CAMK4: variants seen among roughly 807,000 people sequenced by gnomAD.
CAMK4 encodes the protein calcium/calmodulin-dependent protein kinase type IV.
A neutral mutation model predicts 44.9 loss-of-function variants in CAMK4; 22 were observed. The observed-to-expected ratio is 0.49, with a 90% CI of 0.35 to 0.70. The LOEUF (loss-of-function observed/expected upper bound fraction) is 0.70, where lower values mean the gene tolerates loss of function less well. Ranked by LOEUF, CAMK4 falls within the 30% of genes least tolerant of loss-of-function variation. The pLI, the probability that CAMK4 is intolerant of heterozygous loss-of-function variation, is 0.01. For missense variants in CAMK4, 498 were observed against 586.8 expected (o/e 0.85, Z 1.56); for synonymous variants, 218 against 215.4 (o/e 1.01, Z -0.11).
intron 1 of CAMK4, among the ~76,000 whole-genome samples, chr5:111,338,841 A>G (rs893563955): frequency 2.6e-5 from 4 of 151,412 alleles, no homozygotes; most frequent in Admixed American, 2.0e-4. Flanking sequence ...TAATACCAGT[A>G]CTATGCTGTT....
At chr5:111,337,743 G>A (rs1749467982) in intron 1 of CAMK4, among the ~76,000 whole-genome samples, 1 of 151,106 alleles carries the variant, frequency 6.6e-6, no homozygotes, top group Non-Finnish European at 1.5e-5. Flanking sequence ...AAGGTTCTGA[G>A]GAACTGATAA....
chr5:111,441,244 C>A (rs1424296705), intron 5 of CAMK4, among the ~76,000 whole-genome samples: 4 of 152,146 alleles, frequency 2.6e-5, no homozygotes, highest in African/African-American at 9.7e-5. Context: ...CCTTTGGCAG[C>A]AAATATTGCA....
intron 1 of CAMK4, among the ~76,000 whole-genome samples, chr5:111,260,857 G>A (rs1011989993): frequency 4.8e-4 from 73 of 152,094 alleles, no homozygotes; most frequent in African/African-American, 1.7e-3. Flanking sequence ...TATGTGTCCT[G>A]GTCCCTAATT....
intron 1 of CAMK4, among the ~76,000 whole-genome samples, chr5:111,334,733 C>T (rs1749325391): frequency 6.6e-6 from 1 of 151,426 alleles, no homozygotes; most frequent in African/African-American, 2.4e-5. Context: ...TAAACCTTTT[C>T]CCTAATGAGC....
At chr5:111,356,392 T>A (rs1750355691) in intron 2 of CAMK4, among the ~76,000 whole-genome samples, 1 of 152,206 alleles carries the variant, frequency 6.6e-6, no homozygotes, top group Admixed American at 6.5e-5. Flanking sequence ...CATTGTAGAT[T>A]CTGGATATTA....
chr5:111,245,376 A>G (rs1386689839), intron 1 of CAMK4, among the ~76,000 whole-genome samples: 1 of 152,252 alleles, frequency 6.6e-6, no homozygotes, highest in African/African-American at 2.4e-5. Context: ...TGATAATAAT[A>G]GCAGAAATTT....
At position 111,446,918 on chromosome 5, in the gene CAMK4, ATGT is replaced by A. The variant is rs1754051902; in HGVS notation, c.550+147_550+149del. The A allele has an allele frequency of 4.4e-6, 3 of 678,468 alleles. No individual in the cohort carries two copies. The Admixed American group carries it at 7.3e-5, about 17-fold the overall frequency. 42.0% of individuals were successfully genotyped at this position (678,468 alleles called of 1,614,324 possible). On this transcript the variant is annotated intron_variant, in intron 6 of 10. Coordinates refer to ENST00000282356, the MANE Select transcript of CAMK4 (RefSeq NM_001744.6). ...AATTGACATCTGTAAAGGAAATAAT[ATGT>A]TGTTTTGGAAGTTTTTGCTCTTTCC...
chr5:111,351,632 G>A (rs147730445), intron 2 of CAMK4, among the ~76,000 whole-genome samples: 78 of 151,518 alleles, frequency 5.1e-4, no homozygotes, highest in Middle Eastern at 3.4e-3. Context: ...GACTGGTCTC[G>A]AACTCCTGAC....
chr5:111,272,313 A>G (rs1750553547), intron 1 of CAMK4, among the ~76,000 whole-genome samples: 1 of 151,792 alleles, frequency 6.6e-6, no homozygotes, highest in Non-Finnish European at 1.5e-5. Flanking sequence ...TCTTTTTTCC[A>G]TTGTCTCTCT....
chr5:111,269,592 A>C (rs1750411846), intron 1 of CAMK4, among the ~76,000 whole-genome samples: 1 of 152,114 alleles, frequency 6.6e-6, no homozygotes, highest in Non-Finnish European at 1.5e-5. Flanking sequence ...CCATGCAAGC[A>C]CTTACGGCTG....
At chr5:111,255,414 G>C (rs1454083553) in intron 1 of CAMK4, among the ~76,000 whole-genome samples, 2 of 152,162 alleles carry the variant, frequency 1.3e-5, no homozygotes, top group Non-Finnish European at 1.5e-5. Flanking sequence ...TTCATGCCCA[G>C]CAAGTTTATT....
intron 1 of CAMK4, 93 bp from the exon 2 acceptor site, chr5:111,343,931 G>T: frequency 1.4e-6 from 1 of 709,918 alleles, no homozygotes; most frequent in Non-Finnish European, 2.5e-6. Context: ...TGTCAGTTAT[G>T]TGGGTTATTG....
Position 111,224,396 on chromosome 5 carries a change from T to A in CAMK4, c.-88T>A. 1 of 1,462,880 alleles carries A rather than the reference T, an allele frequency of 6.8e-7. No individual in the cohort carries two copies. Among genetic ancestry groups the A allele is most frequent in the Non-Finnish European group, 9.0e-7 (1 of 1,111,422 alleles). The allele number at this position is 1,462,880 out of a possible 1,614,324, so 90.6% of individuals were successfully genotyped here. Reference sequence around the variant, plus strand: ...AAGGACGCCGCCTCTCTCTCGCTCCTGCGTTCGCAGGCGGCGGCTGGCGGC... The same window carrying A: ...AAGGACGCCGCCTCTCTCTCGCTCCAGCGTTCGCAGGCGGCGGCTGGCGGC... On this transcript the variant is annotated 5_prime_UTR_variant, in exon 1 of 11. Transcript: ENST00000282356. This position sits in a 1 kb window ranked among gnomAD's most constrained non-coding sequence, Gnocchi z 5.7.
rs775470690 is a variant in CAMK4, at chr5:111,290,658, T to C, written c.162-53366T>C. On this transcript the variant is annotated intron_variant, in intron 1 of 10. Transcript: ENST00000282356. The surrounding 1 kb of genome is among the most constrained non-coding windows in gnomAD (Gnocchi z 4.5). ...ACAAGCACTAAAAGGCGCTAGTGTTTCCACTGGTGTTTCCACATTTGTGAG... is the reference window on the plus strand; with the variant it reads ...ACAAGCACTAAAAGGCGCTAGTGTTCCCACTGGTGTTTCCACATTTGTGAG... 2.6e-5 allele frequency among the ~76,000 whole-genome samples: 4 copies of C among 152,168 alleles called. No individual in the cohort carries two copies. Among genetic ancestry groups the C allele is most frequent in the African/African-American group, 7.2e-5 (3 of 41,444 alleles).
intron 7 of CAMK4, among the ~76,000 whole-genome samples, chr5:111,464,138 A>G (rs765142200): frequency 5.3e-5 from 8 of 152,058 alleles, no homozygotes; most frequent in Admixed American, 6.6e-5. Context: ...GCATAAATAA[A>G]AAAACAATCA....
chr5:111,414,911 T>C (rs1752764541), intron 5 of CAMK4, among the ~76,000 whole-genome samples: 1 of 152,200 alleles, frequency 6.6e-6, no homozygotes, highest in South Asian at 2.1e-4. Flanking sequence ...ATTTTAGAGA[T>C]ATTATTTCCT....
chr5:111,332,969 TATTAAG>T (rs143325602), intron 1 of CAMK4, among the ~76,000 whole-genome samples: 6,318 of 151,742 alleles, frequency 0.042, 150 homozygotes, highest in Middle Eastern at 0.082. Flanking sequence ...TAACAGGACT[TATTAAG>T]AACTGTGTTA....
chr5:111,361,778 A>G (rs73788837), intron 2 of CAMK4, among the ~76,000 whole-genome samples: 7,139 of 152,142 alleles, frequency 0.047, 578 homozygotes, highest in African/African-American at 0.16. Flanking sequence ...GAAAATAGGC[A>G]TTAGTTTTCT....
intron 5 of CAMK4, among the ~76,000 whole-genome samples, chr5:111,406,342 GC>G (rs1290768293): frequency 6.6e-6 from 1 of 151,894 alleles, no homozygotes; most frequent in Non-Finnish European, 1.5e-5. Flanking sequence ...TCCTGCCTCA[GC>G]CTCCTGAGTA....
Sources: gnomAD v4.1 joint callset for allele counts (sites outside exome capture counted in the v4.1 genomes callset) on GRCh38, gnomAD v4.1.1 for gene constraint, Gnocchi (gnomAD v3.1) non-coding constraint, MANE v1.5 for transcripts, NCBI Gene and HGNC (gene_info 2026-07-23, HGNC 2026-07-21) for gene names.